Variants in PALM2AKAP2 observed in about 807,000 individuals in gnomAD.
PALM2AKAP2 encodes PALM2-AKAP2 fusion protein.
A neutral mutation model predicts 71.5 loss-of-function variants in PALM2AKAP2; 37 were observed. The observed-to-expected ratio is 0.52, with a 90% CI of 0.40 to 0.68. The LOEUF (loss-of-function observed/expected upper bound fraction) is 0.68, where lower values mean the gene tolerates loss of function less well. PALM2AKAP2 is among the 30% of genes least tolerant of loss of function. PALM2AKAP2 has a pLI of 0.00. For synonymous variants in PALM2AKAP2, 468 were observed against 478.8 expected (o/e 0.98, Z 0.29); for missense variants, 1,224 against 1,191.8 (o/e 1.03, Z -0.40).
intron 1 of PALM2AKAP2, among the ~76,000 whole-genome samples, chr9:109,836,610 C>T (rs1828486833): frequency 6.6e-6 from 1 of 152,170 alleles, no homozygotes; most frequent in African/African-American, 2.4e-5. Flanking sequence ...AAACCCATCG[C>T]AAAGAAGCTA....
At chr9:109,706,618 G>A (rs931048848) in intron 1 of PALM2AKAP2, among the ~76,000 whole-genome samples, 14 of 152,194 alleles carry the variant, frequency 9.2e-5, no homozygotes, top group African/African-American at 3.4e-4. Context: ...AATGTTCATA[G>A]CAGCATTATC....
chr9:110,148,989 G>T (rs957135822), intron 2 of PALM2AKAP2, among the ~76,000 whole-genome samples: 1 of 152,154 alleles, frequency 6.6e-6, no homozygotes, highest in Non-Finnish European at 1.5e-5. Flanking sequence ...CCTTTTCTCG[G>T]GTTCTTTGGG....
chr9:110,049,998 G>A (rs1833679345), intron 1 of PALM2AKAP2, among the ~76,000 whole-genome samples: 1 of 152,236 alleles, frequency 6.6e-6, no homozygotes, highest in Non-Finnish European at 1.5e-5. Context: ...ACCCAGGAAA[G>A]CCCGTTTCCC....
At chr9:109,876,252 T>A (rs1587978442) in intron 2 of PALM2AKAP2, among the ~76,000 whole-genome samples, 2 of 152,290 alleles carry the variant, frequency 1.3e-5, no homozygotes, top group East Asian at 3.9e-4. Flanking sequence ...GTGCTTTGGA[T>A]GGTGCACTCA....
chr9:109,788,873 G>A (rs1208637807), intron 1 of PALM2AKAP2, among the ~76,000 whole-genome samples: 1 of 152,196 alleles, frequency 6.6e-6, no homozygotes, highest in Non-Finnish European at 1.5e-5. Flanking sequence ...AGGAGTTCAA[G>A]GCTGCAGTGA....
chr9:110,158,765 A>G (rs1308721584), intron 3 of PALM2AKAP2, among the ~76,000 whole-genome samples: 1 of 152,262 alleles, frequency 6.6e-6, no homozygotes, highest in African/African-American at 2.4e-5. Context: ...TCTTGGATTC[A>G]AAGCCAAATG....
intron 1 of PALM2AKAP2, among the ~76,000 whole-genome samples, chr9:109,819,652 A>AATACACACACCCAG (rs145276509): frequency 6.6e-6 from 1 of 151,732 alleles, no homozygotes; most frequent in African/African-American, 2.4e-5. Context: ...AGCTCTGCCA[A>AATACACACACCCAG]GGGTTTGAAC....
intron 1 of PALM2AKAP2, among the ~76,000 whole-genome samples, chr9:109,657,273 A>T (rs1177127970): frequency 6.6e-6 from 1 of 152,258 alleles, no homozygotes; most frequent in African/African-American, 2.4e-5. Flanking sequence ...CACCAGCCTG[A>T]TGGCCTTTCA....
chr9:109,989,099 G>A lies in PALM2AKAP2; in HGVS notation c.497-26855G>A, dbSNP rs563168614. ...CCCAGTCTCAGTTATATCTTTATCA[G>A]CAGCATGAAAACAGACTAATACAGA... On this transcript the variant is annotated intron_variant, in intron 6 of 9. Coordinates refer to the PALM2AKAP2 transcript ENST00000302798. Among the ~76,000 whole-genome samples the A allele has an allele frequency of 1.6e-3, 245 of 152,284 alleles. 2 individuals carry two copies. Among genetic ancestry groups the A allele is most frequent in the South Asian group, 0.012 (60 of 4,818 alleles).
intron 3 of PALM2AKAP2, among the ~76,000 whole-genome samples, chr9:110,165,552 A>G (rs1002210282): frequency 1.3e-5 from 2 of 152,110 alleles, no homozygotes; most frequent in African/African-American, 4.8e-5. Context: ...AATTTATTGT[A>G]TGGCCATGGT....
At chr9:110,033,757 T>G (rs559440987) in intron 7 of PALM2AKAP2, among the ~76,000 whole-genome samples, 101 of 152,344 alleles carry the variant, frequency 6.6e-4, no homozygotes, top group Non-Finnish European at 1.2e-3. Context: ...GGAGCAAGAA[T>G]TAGTCAAGAA....
At chr9:110,172,037 C>CAT (rs1836869772) in exon 4 of PALM2AKAP2, 1 of 152,676 alleles carries the variant, frequency 6.5e-6, no homozygotes, top group South Asian at 2.1e-4. Flanking sequence ...TCAATGTCCA[C>CAT]ATATATATAC....
At chr9:109,743,962 T>A (rs75739254) in intron 1 of PALM2AKAP2, among the ~76,000 whole-genome samples, 6,504 of 152,242 alleles carry the variant, frequency 0.043, 190 homozygotes, top group Non-Finnish European at 0.053. Flanking sequence ...TATGTTCTAT[T>A]TGGCCTTTAA....
At chr9:109,897,494 G>C (rs181737875) in intron 3 of PALM2AKAP2, among the ~76,000 whole-genome samples, 27 of 152,158 alleles carry the variant, frequency 1.8e-4, no homozygotes, top group South Asian at 4.2e-4. Flanking sequence ...ACAGAGAATT[G>C]CGTGAACCCC....
intron 1 of PALM2AKAP2, among the ~76,000 whole-genome samples, chr9:109,830,896 T>C (rs1828280839): frequency 6.6e-6 from 1 of 152,146 alleles, no homozygotes; most frequent in African/African-American, 2.4e-5. Context: ...GTCTGTATTT[T>C]TTCCCTCTGC....
At position 109,932,044 on chromosome 9, in the gene PALM2AKAP2, C is replaced by A. The variant is rs1831115856; in HGVS notation, c.496+16C>A. On this transcript the variant is annotated intron_variant, in intron 6 of 9. Coordinates refer to the PALM2AKAP2 transcript ENST00000302798. ...AGAGCGGCTGGTAAGTCCTGGGGAC[C>A]TTTGGACGCTAGGATGGTCCAAGGG... 1 of 1,607,148 alleles carries A rather than the reference C, an allele frequency of 6.2e-7. No homozygotes were observed. Among genetic ancestry groups the A allele is most frequent in the Non-Finnish European group, 8.5e-7 (1 of 1,176,010 alleles).
At chr9:109,814,453 A>G in intron 1 of PALM2AKAP2, among the ~76,000 whole-genome samples, 1 of 152,196 alleles carries the variant, frequency 6.6e-6, no homozygotes, top group East Asian at 1.9e-4. Context: ...GAACTCTGTA[A>G]CAAACAGATG....
chr9:109,821,162 G>A (rs577139759), intron 1 of PALM2AKAP2, among the ~76,000 whole-genome samples: 12 of 152,258 alleles, frequency 7.9e-5, no homozygotes, highest in Admixed American at 2.0e-4. Context: ...GCTGCCAGGT[G>A]GGACCAGGTG....
chr9:109,661,031 T>C (rs951260003), intron 1 of PALM2AKAP2, among the ~76,000 whole-genome samples: 6 of 152,174 alleles, frequency 3.9e-5, no homozygotes, highest in Admixed American at 6.5e-5. Context: ...TCTTGTAAAC[T>C]TGTTTGAGTT....
Sources: gnomAD v4.1 joint callset for allele counts (sites outside exome capture counted in the v4.1 genomes callset) on GRCh38, gnomAD v4.1.1 for gene constraint, MANE v1.5 for transcripts, NCBI Gene and HGNC (gene_info 2026-07-23, HGNC 2026-07-21) for gene names.